The following SVEP1 variants were observed in gnomAD, a reference collection of about 807,000 sequenced individuals.
SVEP1 encodes sushi, von Willebrand factor type A, EGF and pentraxin domain containing 1, also known as sushi, von Willebrand factor type A, EGF and pentraxin domain-containing protein 1.
In SVEP1, 164 loss-of-function variants were observed where a neutral mutation model predicts 367.3. The ratio of observed to expected loss-of-function variants is 0.45; its 90% CI spans 0.39 to 0.51. The LOEUF is 0.51. SVEP1 is among the 20% of genes least tolerant of loss of function. SVEP1 has a pLI of 0.00. For synonymous variants in SVEP1, 1,666 were observed against 1,611.6 expected (o/e 1.03, Z -0.81); for missense variants, 4,117 against 4,425.3 (o/e 0.93, Z 1.98).
intron 8 of SVEP1, 56 bp downstream of exon 8, chr9:110,496,759 C>G: frequency 7.8e-7 from 1 of 1,283,254 alleles, no homozygotes; most frequent in Non-Finnish European, 1.1e-6. Context: ...ACACACATAT[C>G]TGCAGTATAT....
chr9:110,447,311 T>C (rs921267823), intron 24 of SVEP1, among the ~76,000 whole-genome samples: 3 of 152,206 alleles, frequency 2.0e-5, no homozygotes, highest in Non-Finnish European at 2.9e-5. Context: ...AATTCATACA[T>C]TGTGGTTTCT....
rs370968020 is a variant in SVEP1, at chr9:110,488,038, C to T, written c.1930+1612G>A. Among the ~76,000 whole-genome samples the T allele has an allele frequency of 2.3e-3, 356 of 152,242 alleles. 2 individuals are homozygous for T. The Middle Eastern group carries it at 0.031, about 13-fold the overall frequency. ...CTCAAAAGATTTCAAAGGACTGATCCGCAGCGGTGGTTCTGAGGATGGAGA... is the reference window on the plus strand; with the variant it reads ...CTCAAAAGATTTCAAAGGACTGATCTGCAGCGGTGGTTCTGAGGATGGAGA... On this transcript the variant is annotated intron_variant, in intron 9 of 47. Transcript: ENST00000374469.
chr9:110,377,342 T>C lies in SVEP1; in HGVS notation c.10433A>G (p.Asn3478Ser). 6.2e-7 allele frequency: 1 copy of C among 1,613,812 alleles called. No homozygotes were observed. The highest frequency in any genetic ancestry group is 8.5e-7 in the Non-Finnish European group (1 of 1,179,754). Residue 3478 changes from asparagine (N) to serine (S), a missense_variant, in exon 45 of 48, where the codon AAT becomes AGT. By Grantham distance (46) the Asn-to-Ser change is conservative. Around this residue, in one of 4 missense-constraint regions of SVEP1, gnomAD observed 1,765 missense variants for 1,781.1 expected, o/e 0.99. Coordinates refer to ENST00000374469, the MANE Select transcript of SVEP1 (RefSeq NM_153366.4). ...ATTTGGGCGTTGGCAGATGCCCCCA[T>C]TCTGACATGGAAATCGACAGACAGC... Reference protein sequence around the residue: ...CRAVCRFPCQNGGICQRPNAC... With the variant: ...CRAVCRFPCQSGGICQRPNAC...
intron 36 of SVEP1, among the ~76,000 whole-genome samples, chr9:110,412,497 G>A (rs1339651803): frequency 2.0e-5 from 3 of 152,064 alleles, no homozygotes; most frequent in Non-Finnish European, 4.4e-5. Context: ...AGGACTTCAT[G>A]TCTAAAACAC....
intron 40 of SVEP1, among the ~76,000 whole-genome samples, chr9:110,395,861 T>C (rs1216575815): frequency 2.0e-5 from 3 of 152,060 alleles, no homozygotes; most frequent in African/African-American, 4.8e-5. Context: ...AGCAAGTCCT[T>C]AGTGACCTAC....
chr9:110,425,420 T>G (rs976338483), intron 36 of SVEP1, among the ~76,000 whole-genome samples: 1 of 152,212 alleles, frequency 6.6e-6, no homozygotes, highest in African/African-American at 2.4e-5. Flanking sequence ...GCAGATCTGA[T>G]TCAATCTTTT....
rs1345053490 is a variant in SVEP1 at position 110,393,526 on chromosome 9, AGTGCACT to A, written c.9823-3946_9823-3940del. ...CTGGGGAGTGCCAGACAGTGGGTGC[AGTGCACT>A]GTGCACAAGCCAAAGCAGAATGAGG... On this transcript the variant is annotated intron_variant, in intron 40 of 47. Coordinates refer to ENST00000374469, the MANE Select transcript of SVEP1 (RefSeq NM_153366.4). 2.6e-5 allele frequency among the ~76,000 whole-genome samples: 4 copies of A among 152,310 alleles called. No individual in the cohort carries two copies. The East Asian group carries it at 5.8e-4, about 22-fold the overall frequency.
rs12000466 is a variant in SVEP1 at position 110,470,090 on chromosome 9, C to A, written c.2999-989G>T. On this transcript the variant is annotated intron_variant, in intron 16 of 47. Transcript: ENST00000374469. ...CAGCTGAGTGTACACAGTTCCATTA[C>A]AGGAGATTTCCTTATCTATAAATGA... Among the ~76,000 whole-genome samples, 604 of 152,222 alleles carry A rather than the reference C, an allele frequency of 4.0e-3. 5 individuals are homozygous for A. The highest frequency in any genetic ancestry group is 0.014 in the African/African-American group (567 of 41,530).
intron 40 of SVEP1, among the ~76,000 whole-genome samples, chr9:110,399,337 T>A (rs927332760): frequency 6.9e-6 from 1 of 145,404 alleles, no homozygotes; most frequent in Middle Eastern, 3.6e-3. Flanking sequence ...ACACACTGGG[T>A]CCTGTTGTGG....
intron 36 of SVEP1, among the ~76,000 whole-genome samples, chr9:110,417,066 G>A (rs929614226): frequency 2.0e-5 from 3 of 152,040 alleles, no homozygotes; most frequent in African/African-American, 4.8e-5. Context: ...ATAAGGCAAC[G>A]GAATAATAGC....
chr9:110,457,517 C>A (rs964244755), intron 20 of SVEP1, among the ~76,000 whole-genome samples, 165 bp from the exon 21 acceptor site: 2 of 152,124 alleles, frequency 1.3e-5, no homozygotes, highest in Admixed American at 6.5e-5. Context: ...TGGTGCCTGC[C>A]ATATAGGGGA....
chr9:110,369,720 A>T, intron 47 of SVEP1: 1 of 548,732 alleles, frequency 1.8e-6, no homozygotes, highest in Non-Finnish European at 3.2e-6. Flanking sequence ...TTTTTGAGAT[A>T]TTCTTGTTTT....
chr9:110,377,059 TTAGATGGATC>T, intron 45 of SVEP1: 1 of 318,704 alleles, frequency 3.1e-6, no homozygotes, highest in Admixed American at 5.5e-5. Flanking sequence ...GAAAATGACT[TTAGATGGATC>T]TTAATAACAG....
Position 110,406,827 on chromosome 9 carries a change from C to G in SVEP1, c.8773G>C (p.Gly2925Arg). 2 of 1,613,938 alleles carry G rather than the reference C, an allele frequency of 1.2e-6. No individual in the cohort carries two copies. The highest frequency in any genetic ancestry group is 1.7e-6 in the Non-Finnish European group (2 of 1,179,874). The change falls in exon 38 of 48, where the codon GGT becomes CGT. Residue 2925 changes from glycine (G) to arginine (R), a missense_variant. Transcript: ENST00000374469. ...FHCHEGYILH[G>R]APKLTCQSDG... ...GACTGACAGGTGAGTTTTGGAGCACCGTGCAAGATGTAGCCCTCGTGACAG... is the reference window on the plus strand; with the variant it reads ...GACTGACAGGTGAGTTTTGGAGCACGGTGCAAGATGTAGCCCTCGTGACAG...
At position 110,369,964 on chromosome 9, in the gene SVEP1, T is replaced by C. The variant is rs1336191432; in HGVS notation, c.10653A>G (p.Arg3551=). The change falls in exon 47 of 48, where the codon CGA becomes CGG. Residue 3551 remains arginine (R), a synonymous_variant. Coordinates refer to ENST00000374469, the MANE Select transcript of SVEP1 (RefSeq NM_153366.4). Reference sequence around the variant, plus strand: ...CCGTCCAAGAAGAAAGACAGTGACATCGGTTTGGTCTTACACATTTTCCAC... The same window carrying C: ...CCGTCCAAGAAGAAAGACAGTGACACCGGTTTGGTCTTACACATTTTCCAC... ...LNGGKCVRPN[R]CHCLSSWTGH... is the part of the protein sequence containing the mutation. The C allele has an allele frequency of 6.2e-7, 1 of 1,613,386 alleles. No homozygotes were observed. Among genetic ancestry groups the C allele is most frequent in the Admixed American group, 1.7e-5 (1 of 59,912 alleles).
At chr9:110,464,161 C>CA (rs1828902339) in intron 18 of SVEP1, among the ~76,000 whole-genome samples, 1 of 152,084 alleles carries the variant, frequency 6.6e-6, no homozygotes, top group Non-Finnish European at 1.5e-5. Context: ...CTTATATTGA[C>CA]AAAAGAGTCT....
chr9:110,470,751 C>CATATAT (rs36005017), intron 16 of SVEP1, among the ~76,000 whole-genome samples: 2 of 147,314 alleles, frequency 1.4e-5, no homozygotes, highest in African/African-American at 4.9e-5. Flanking sequence ...TTACTGTCTT[C>CATATAT]ATATATATAT....
chr9:110,510,485 G>T (rs964618798), intron 5 of SVEP1, among the ~76,000 whole-genome samples: 3 of 152,168 alleles, frequency 2.0e-5, no homozygotes, highest in African/African-American at 7.2e-5. Context: ...CACGTGTAGA[G>T]GTCACCCCAT....
intron 35 of SVEP1, among the ~76,000 whole-genome samples, chr9:110,428,800 G>A (rs1000178092): frequency 4.6e-5 from 7 of 152,158 alleles, no homozygotes; most frequent in African/African-American, 1.7e-4. Context: ...TACAGGCACG[G>A]TGGCTCACAC....
Sources: allele counts gnomAD v4.1 joint callset (sites outside exome capture counted in the v4.1 genomes callset), GRCh38; gene constraint gnomAD v4.1.1; regional missense constraint gnomAD v4.1.1; transcripts MANE v1.5; gene names NCBI Gene and HGNC (gene_info 2026-07-23, HGNC 2026-07-21).